Variants in SYNE2 observed in about 807,000 individuals in gnomAD.
The protein encoded by SYNE2 is nesprin-2.
Under a neutral mutation model 856.3 loss-of-function variants are expected in SYNE2, and 431 were observed. The observed-to-expected ratio is 0.50, with a 90% CI of 0.47 to 0.55. The LOEUF (loss-of-function observed/expected upper bound fraction) is 0.55, where lower values mean the gene tolerates loss of function less well. Among genes scored for constraint, SYNE2 ranks in the 20% least tolerant of loss-of-function variants. The pLI is 0.00. For synonymous variants in SYNE2, 2,923 were observed against 2,872.3 expected, an observed-to-expected ratio of 1.02 and a Z score of -0.56; for missense variants, 8,129 against 8,023.2, an observed-to-expected ratio of 1.01 and a Z score of -0.50.
intron 7 of SYNE2, among the ~76,000 whole-genome samples, chr14:63,954,077 C>A (rs1335184491): frequency 6.6e-6 from 1 of 152,136 alleles, no homozygotes; most frequent in African/African-American, 2.4e-5. Context: ...ACGTCCCCAG[C>A]CAGAATTTCC....
chr14:64,146,329 C>T, intron 84 of SYNE2, 106 bp downstream of exon 84: 1 of 1,055,276 alleles, frequency 9.5e-7, no homozygotes, highest in South Asian at 2.2e-5. Flanking sequence ...TCTCTTCCAG[C>T]TCCCCTCTAT....
chr14:63,779,380 A>G (rs1220645810), intron 1 of SYNE2, among the ~76,000 whole-genome samples: 2 of 148,960 alleles, frequency 1.3e-5, no homozygotes, highest in African/African-American at 2.5e-5. Flanking sequence ...CTAAATTTCC[A>G]CTTTAAGAAG....
intron 44 of SYNE2, among the ~76,000 whole-genome samples, chr14:64,030,372 G>C (rs890165024): frequency 1.3e-5 from 2 of 152,124 alleles, no homozygotes; most frequent in African/African-American, 4.8e-5. Flanking sequence ...GCTGTTAGTT[G>C]GATGAATGAA....
chr14:63,850,622 A>G (rs1890378620), upstream of SYNE2, among the ~76,000 whole-genome samples: 1 of 152,138 alleles, frequency 6.6e-6, no homozygotes, highest in Admixed American at 6.6e-5. Context: ...TGCACTTGTC[A>G]TTAGTTTAAT....
intron 27 of SYNE2, 150 bp from the exon 28 acceptor site, chr14:64,000,412 T>G (rs779705521): frequency 8.7e-6 from 6 of 693,570 alleles, no homozygotes; most frequent in African/African-American, 1.8e-5. Flanking sequence ...ATAGTTCACT[T>G]GTAGGTGGTT....
intron 36 of SYNE2, 148 bp downstream of exon 36, chr14:64,021,663 T>C: frequency 8.7e-7 from 1 of 1,155,340 alleles, no homozygotes; most frequent in Non-Finnish European, 1.2e-6. Flanking sequence ...AGCATTTTCA[T>C]CTTTGAATTG....
chr14:63,989,983 T>A (rs2096654974), intron 19 of SYNE2, among the ~76,000 whole-genome samples: 1 of 152,182 alleles, frequency 6.6e-6, no homozygotes, highest in Non-Finnish European at 1.5e-5. Context: ...GTCTTCTTTT[T>A]GTGGTTTCAT....
chr14:64,146,189 T>G lies in SYNE2; in HGVS notation c.15605T>G (p.Val5202Gly). The change falls in exon 84 of 116, where the codon GTG becomes GGG. Residue 5202 changes from valine to glycine, a missense_variant. Transcript: ENST00000555002. ...AAAACTTTACAAAAACCTGAAAGTG[T>G]GATCTCAGTGCAGAAGCTGCTCCTG... ...RLKTLQKPES[V>G]ISVQKLLLDC... The G allele has an allele frequency of 6.2e-7, 1 of 1,612,834 alleles. No homozygotes were observed. Among genetic ancestry groups the G allele is most frequent in the Non-Finnish European group, 8.5e-7 (1 of 1,179,606 alleles).
At position 63,954,507 on chromosome 14, in the gene SYNE2, A is replaced by T. The variant is rs113005886; in HGVS notation, c.591-212A>T. Among the ~76,000 whole-genome samples, 81 of 152,318 alleles carry T rather than the reference A, an allele frequency of 5.3e-4. 1 individual carries two copies. Among genetic ancestry groups the T allele is most frequent in the African/African-American group, 1.6e-3 (65 of 41,550 alleles). Reference sequence around the variant, plus strand: ...GTGATACTGATGCTGCTGGCTCAGGAAACAAATTTTGAGAATCAGTGTTCT... The same window carrying T: ...GTGATACTGATGCTGCTGGCTCAGGTAACAAATTTTGAGAATCAGTGTTCT... On this transcript the variant is annotated intron_variant, in intron 7 of 115. Transcript: ENST00000555002.
chr14:63,951,880 G>A (rs771927284), intron 7 of SYNE2, among the ~76,000 whole-genome samples: 31 of 151,900 alleles, frequency 2.0e-4, no homozygotes, highest in African/African-American at 6.8e-4. Context: ...TTTTCTTCAC[G>A]TCTCCCCATC....
intron 94 of SYNE2, among the ~76,000 whole-genome samples, chr14:64,172,721 C>G (rs1296852013): frequency 6.6e-6 from 1 of 151,966 alleles, no homozygotes; most frequent in Non-Finnish European, 1.5e-5. Context: ...CCCTTGAGCC[C>G]AGTTTGAGAC....
chr14:64,030,294 G>T (rs367906328), intron 44 of SYNE2, among the ~76,000 whole-genome samples: 3 of 152,288 alleles, frequency 2.0e-5, no homozygotes, highest in Non-Finnish European at 2.9e-5. Context: ...TTACCCACTA[G>T]ACTGTAGCAC....
At chr14:63,944,624 A>G (rs532212648) in intron 6 of SYNE2, among the ~76,000 whole-genome samples, 5 of 147,240 alleles carry the variant, frequency 3.4e-5, no homozygotes, top group Admixed American at 6.8e-5. Flanking sequence ...CCTGGGTGCA[A>G]CTGATTCTGC....
chr14:64,030,886 C>T, intron 44 of SYNE2, 130 bp from the exon 45 acceptor site: 1 of 729,316 alleles, frequency 1.4e-6, no homozygotes, highest in Non-Finnish European at 2.3e-6. Context: ...AAAGTTTCTT[C>T]TATGTGATAT....
chr14:64,166,795 T>TA, intron 90 of SYNE2: 1 of 230,962 alleles, frequency 4.3e-6, no homozygotes, highest in Non-Finnish European at 8.6e-6. Context: ...TAGCCAGGTG[T>TA]GGTGGCAGGC....
intron 1 of SYNE2, among the ~76,000 whole-genome samples, chr14:63,893,722 TAGAATCTGGAATCTGA>T (rs1222123312): frequency 2.6e-5 from 4 of 152,238 alleles, no homozygotes; most frequent in African/African-American, 9.6e-5. Context: ...CTCACAGGAC[TAGAATCTGGAATCTGA>T]AGAATCTGTT....
At chr14:63,821,083 G>T (rs1889194743) in intron 1 of SYNE2, among the ~76,000 whole-genome samples, 2 of 151,976 alleles carry the variant, frequency 1.3e-5, no homozygotes, top group South Asian at 4.1e-4. Flanking sequence ...TTCATTACTT[G>T]ATTGTACTGA....
Position 64,132,315 on chromosome 14 carries a change from T to C in SYNE2, c.14391T>C (p.Ser4797=). The change falls in exon 77 of 116, where the codon TCT becomes TCC. Residue 4797 remains serine (S), a synonymous_variant. Transcript: ENST00000555002. ...ACATGTTGTTGATCCAAGCATACTC[T>C]GCCAAAATACTTCCTTCTTTATTGC... is the stretch of plus-strand genomic sequence containing the variant. ...VADMLLIQAY[S]AKILPSLLQN... 1.2e-6 allele frequency: 2 copies of C among 1,614,174 alleles called. No individual in the cohort carries two copies. The highest frequency in any genetic ancestry group is 1.7e-6 in the Non-Finnish European group (2 of 1,180,040).
chr14:63,793,227 A>T (rs759519418), intron 1 of SYNE2, among the ~76,000 whole-genome samples: 14 of 152,164 alleles, frequency 9.2e-5, no homozygotes, highest in Admixed American at 2.6e-4. Flanking sequence ...ACCTTGGCAC[A>T]AATGTCTTAA....
Sources: allele counts gnomAD v4.1 joint callset (sites outside exome capture counted in the v4.1 genomes callset), GRCh38; gene constraint gnomAD v4.1.1; transcripts MANE v1.5; gene names NCBI Gene and HGNC (gene_info 2026-07-23, HGNC 2026-07-21).